The following LRCH3 variants were observed in gnomAD, a reference collection of about 807,000 sequenced individuals.
LRCH3 encodes leucine rich repeats and calponin homology domain containing 3.
In LRCH3, 68 loss-of-function variants were observed where a neutral mutation model predicts 104.5. The ratio of observed to expected loss-of-function variants is 0.65; its 90% confidence interval spans 0.54 to 0.80. LRCH3 has a LOEUF of 0.80. LRCH3 is among the 30% of genes least tolerant of loss of function. The probability of loss-of-function intolerance (pLI) is 0.00; values close to 1 mark genes in which losing one functional copy is unlikely to be tolerated. For missense variants in LRCH3, 951 were observed against 953.9 expected, an observed-to-expected ratio of 1.00 and a Z score of 0.04; for synonymous variants, 344 against 361.3, an observed-to-expected ratio of 0.95 and a Z score of 0.54.
In LRCH3 at chr3:197,835,716, C is replaced by G; in HGVS notation, c.1145C>G (p.Thr382Ser). Reference sequence around the variant, plus strand: ...CAGATTGACTACATAGACAGCTGCACCGCAGAGGAAGAGGAGGCCGAGGTG... The same window carrying G: ...CAGATTGACTACATAGACAGCTGCAGCGCAGAGGAAGAGGAGGCCGAGGTG... ...LDQIDYIDSCTAEEEEAEVRQ... is the reference protein window; with the variant it reads ...LDQIDYIDSCSAEEEEAEVRQ... The change falls in exon 9 of 21, where the codon ACC becomes AGC. Residue 382 changes from threonine (T) to serine (S), a missense_variant. Thr to Ser is a moderately conservative substitution (Grantham distance 58). Transcript: ENST00000425562. The G allele has an allele frequency of 6.2e-7, 1 of 1,613,786 alleles. No individual in the cohort carries two copies. Among genetic ancestry groups the G allele is most frequent in the Non-Finnish European group, 8.5e-7 (1 of 1,179,956 alleles).
rs552717699 is a variant in LRCH3, at chr3:197,880,107, G to C, written c.2209-3434G>C. On this transcript the variant is annotated intron_variant, in intron 20 of 20. Transcript: ENST00000425562. ...ACTACAGGCGCCCGCCACCACGCCC[G>C]GCTAATTTTTTGTATTTTTAGTAAA... Among the ~76,000 whole-genome samples, 7 of 150,996 alleles carry C rather than the reference G, an allele frequency of 4.6e-5. No individual in the cohort carries two copies. The East Asian group carries it at 7.8e-4, about 17-fold the overall frequency.
At chr3:197,826,806 C>T in intron 4 of LRCH3, 72 bp from the exon 5 acceptor site, 4 of 1,553,140 alleles carry the variant, frequency 2.6e-6, no homozygotes, top group Admixed American at 3.4e-5. Flanking sequence ...TCACATTTAA[C>T]TAGAAGCTTT....
At chr3:197,853,346 C>T (rs1442165807) in intron 13 of LRCH3, among the ~76,000 whole-genome samples, 20 of 152,010 alleles carry the variant, frequency 1.3e-4, no homozygotes, top group Admixed American at 5.9e-4. Flanking sequence ...TGCACCACCA[C>T]GCCTGGCTAA....
At chr3:197,822,639 A>G (rs529062220) in intron 4 of LRCH3, among the ~76,000 whole-genome samples, 3 of 152,288 alleles carry the variant, frequency 2.0e-5, no homozygotes, top group Admixed American at 2.0e-4. Context: ...CTTTATTCCA[A>G]CAGCTACATT....
intron 7 of LRCH3, chr3:197,831,209 G>A (rs950915403): frequency 1.0e-5 from 2 of 197,522 alleles, no homozygotes; most frequent in East Asian, 2.7e-4. Flanking sequence ...TAGGACTTTC[G>A]GCTGATGGGT....
Position 197,870,095 on chromosome 3 carries a change from C to G in LRCH3, c.1874-65C>G, listed in dbSNP as rs1711956500. ...CACTTGCAGGGAAACTGTGATGAGG[C>G]AGAGCCGGATGTTCTCCTAGCACTG... On this transcript the variant is annotated intron_variant, in intron 17 of 20. Coordinates refer to ENST00000425562, the MANE Select transcript of LRCH3 (RefSeq NM_001365715.1). 3.2e-6 allele frequency: 5 copies of G among 1,547,962 alleles called. No individual in the cohort carries two copies. In the South Asian group the frequency reaches 5.8e-5, roughly 18 times the overall value.
chr3:197,830,739 A>G, intron 6 of LRCH3, 31 bp from the exon 7 acceptor site: 1 of 1,541,446 alleles, frequency 6.5e-7, no homozygotes, highest in Non-Finnish European at 8.9e-7. Flanking sequence ...AAAATAACAA[A>G]CTTTGCAGTA....
At chr3:197,792,599 AT>A (rs1730706013) in intron 1 of LRCH3, among the ~76,000 whole-genome samples, 1 of 80,252 alleles carries the variant, frequency 1.2e-5, no homozygotes, top group South Asian at 4.2e-4. Flanking sequence ...ATATATATAT[AT>A]ATATAAAATA....
chr3:197,880,568 T>C, intron 20 of LRCH3: 1 of 1,536,552 alleles, frequency 6.5e-7, no homozygotes, highest in South Asian at 1.2e-5. Context: ...TTAAAAGAAC[T>C]GTTGAAACGC....
At chr3:197,805,390 G>T (rs2109133393) in intron 1 of LRCH3, among the ~76,000 whole-genome samples, 1 of 152,330 alleles carries the variant, frequency 6.6e-6, no homozygotes, top group South Asian at 2.1e-4. Flanking sequence ...TCTTCAGAGG[G>T]CTGGGACTAA....
At chr3:197,871,503 C>T (rs751836373) in intron 19 of LRCH3, 41 bp downstream of exon 19, 5 of 1,607,300 alleles carry the variant, frequency 3.1e-6, no homozygotes, top group African/African-American at 1.3e-5. Flanking sequence ...ATTCATCAGA[C>T]ATTTGTTAAG....
rs1028743925 is a variant in LRCH3, at chr3:197,840,669, A to G, written c.1328+1272A>G. Among the ~76,000 whole-genome samples, 8 of 152,310 alleles carry G rather than the reference A, an allele frequency of 5.3e-5. No individual in the cohort carries two copies. In the East Asian group the frequency reaches 1.3e-3, roughly 26 times the overall value. ...ACGTAGTTCTTATACTTGACAAGGT[A>G]TTAAAGGTAACTCGGGGGACTGAGC... On this transcript the variant is annotated intron_variant, in intron 10 of 20. Coordinates refer to ENST00000425562, the MANE Select transcript of LRCH3 (RefSeq NM_001365715.1).
chr3:197,848,529 T>G (rs1390644865), intron 12 of LRCH3: 1 of 152,522 alleles, frequency 6.6e-6, no homozygotes, highest in African/African-American at 2.4e-5. Flanking sequence ...GCCTGAAATG[T>G]TGTCATTTTA....
chr3:197,817,363 T>TATATATATATATATATAC (rs1733969201), intron 3 of LRCH3, 61 bp downstream of exon 3: 3 of 52,190 alleles, frequency 5.7e-5, no homozygotes, highest in East Asian at 0.028. Flanking sequence ...TGTGTGTGTA[T>TATATATATATATATATAC]ATATATATAT....
intron 16 of LRCH3, among the ~76,000 whole-genome samples, 158 bp downstream of exon 16, chr3:197,865,629 G>A (rs1351591459): frequency 6.6e-6 from 1 of 152,152 alleles, no homozygotes. Flanking sequence ...TTCTCCCAAA[G>A]TGGTGGGATT....
At chr3:197,874,222 G>A (rs182979313) in intron 19 of LRCH3, among the ~76,000 whole-genome samples, 4 of 152,280 alleles carry the variant, frequency 2.6e-5, no homozygotes, top group African/African-American at 9.6e-5. Context: ...AGGTGAACAG[G>A]CCAGTGAGCA....
rs1714224227 is a variant in LRCH3, at chr3:197,886,774, CA to C, written c.*3109del. On this transcript the variant is annotated 3_prime_UTR_variant, in exon 21 of 21. Transcript: ENST00000425562. ...GGGCTGAGATTGTGCCACTGCACTC[CA>C]GCCTGGGCAACAGAGCGAGACTCTG... 7.1e-6 allele frequency: 1 copy of C among 140,936 alleles called. No individual in the cohort carries two copies. The highest frequency in any genetic ancestry group is 7.6e-5 in the Admixed American group (1 of 13,084). 8.7% of individuals were successfully genotyped at this position (140,936 alleles called of 1,614,324 possible). A position where few individuals can be genotyped will look rare whatever the true frequency, so the allele number is the denominator to read the frequency against.
At position 197,826,933 on chromosome 3, in the gene LRCH3, A is replaced by G; in HGVS notation, c.696A>G (p.Thr232=). ...RLDFSCNKIT[T]IPVCYRNLRH... is the part of the protein sequence containing the mutation. ...ACTTCTCATGCAATAAAATTACCAC[A>G]ATCCCTGTTTGTTATCGGAACCTCA... is the stretch of plus-strand genomic sequence containing the variant. The change falls in exon 5 of 21, where the codon ACA becomes ACG. Residue 232 remains threonine, a synonymous_variant. Transcript: ENST00000425562. The G allele has an allele frequency of 6.2e-7, 1 of 1,614,064 alleles. No individual in the cohort carries two copies. The highest frequency in any genetic ancestry group is 8.5e-7 in the Non-Finnish European group (1 of 1,180,004).
intron 10 of LRCH3, among the ~76,000 whole-genome samples, chr3:197,844,760 G>A (rs1231624853): frequency 6.6e-6 from 1 of 152,088 alleles, no homozygotes; most frequent in African/African-American, 2.4e-5. Context: ...TGGGACTACA[G>A]GCGCGCACCA....
Sources: gnomAD v4.1 joint callset for allele counts (sites outside exome capture counted in the v4.1 genomes callset) on GRCh38, gnomAD v4.1.1 for gene constraint, MANE v1.5 for transcripts, NCBI Gene and HGNC (gene_info 2026-07-23, HGNC 2026-07-21) for gene names.